Variants in RAPH1 observed in about 807,000 individuals in gnomAD.
RAPH1 encodes the protein Ras association (RalGDS/AF-6) and pleckstrin homology domains 1, also known as ras-associated and pleckstrin homology domains-containing protein 1.
RAPH1 carries 18 observed loss-of-function variants against 88.1 expected under a neutral mutation model. The ratio of observed to expected loss-of-function variants is 0.20; its 90% confidence interval spans 0.14 to 0.30. The LOEUF is 0.30. Among genes scored for constraint, RAPH1 ranks in the 10% least tolerant of loss-of-function variants. The probability of loss-of-function intolerance (pLI) is 1.00; values close to 1 mark genes in which losing one functional copy is unlikely to be tolerated. For missense variants in RAPH1, 1,448 were observed against 1,543.2 expected (o/e 0.94, Z 1.03); for synonymous variants, 587 against 559.0 (o/e 1.05, Z -0.71).
intron 1 of RAPH1, among the ~76,000 whole-genome samples, chr2:203,506,277 A>G (rs1201319889): frequency 2.0e-5 from 3 of 152,216 alleles, no homozygotes; most frequent in African/African-American, 4.8e-5. Context: ...TGTGTGTATT[A>G]TGTGTTTGTA....
intron 4 of RAPH1, among the ~76,000 whole-genome samples, chr2:203,478,167 G>A (rs898016311): frequency 1.3e-5 from 2 of 151,726 alleles, no homozygotes; most frequent in Non-Finnish European, 2.9e-5. Context: ...CCGAGTAGCT[G>A]GGACTACAGG....
intron 4 of RAPH1, among the ~76,000 whole-genome samples, chr2:203,462,999 A>C (rs2098525375): frequency 6.6e-6 from 1 of 151,986 alleles, no homozygotes; most frequent in South Asian, 2.1e-4. Flanking sequence ...CAGGAGTTGG[A>C]GACCAGCCTG....
At position 203,522,794 on chromosome 2, in the gene RAPH1, C is replaced by T. The variant is rs186527089; in HGVS notation, c.-1+12317G>A. ...GCGGGCACCTGTAATCCCAGCTACTCGGGAGGCTGAGGTGGGAGAATCGCT... is the reference window on the plus strand; with the variant it reads ...GCGGGCACCTGTAATCCCAGCTACTTGGGAGGCTGAGGTGGGAGAATCGCT... On this transcript the variant is annotated intron_variant, in intron 1 of 13. Coordinates refer to ENST00000319170, the MANE Select transcript of RAPH1 (RefSeq NM_213589.3). Among the ~76,000 whole-genome samples the T allele has an allele frequency of 2.0e-4, 29 of 148,400 alleles. 1 individual carries two copies. The East Asian group carries it at 5.1e-3, about 26-fold the overall frequency.
At chr2:203,517,664 G>A (rs1023893824) in intron 1 of RAPH1, among the ~76,000 whole-genome samples, 9 of 152,034 alleles carry the variant, frequency 5.9e-5, no homozygotes, top group African/African-American at 1.9e-4. Flanking sequence ...CATATATAAT[G>A]TCTGCTCTCA....
In RAPH1 at chr2:203,439,453, A is replaced by G; in HGVS notation, c.3737T>C (p.Leu1246Pro). The change falls in exon 14 of 14, where the codon CTC becomes CCC. Residue 1246 changes from leucine to proline, a missense_variant. By Grantham distance (98) the Leu-to-Pro change is moderately conservative (BLOSUM62 -3). This residue lies in a region of RAPH1 where 935 missense variants were observed against 890.1 expected (regional missense o/e 1.05). Coordinates refer to ENST00000319170, the MANE Select transcript of RAPH1 (RefSeq NM_213589.3). ...APPKRDQNTKLSRDW is the reference protein window; with the variant it reads ...APPKRDQNTKPSRDW ...CTATGGTGGCTACCAGTCTCTGGAGAGCTTGGTGTTCTGGTCTCTTTTGGG... is the reference window on the plus strand; with the variant it reads ...CTATGGTGGCTACCAGTCTCTGGAGGGCTTGGTGTTCTGGTCTCTTTTGGG... 1 of 1,613,538 alleles carries G rather than the reference A, an allele frequency of 6.2e-7. No homozygotes were observed. The highest frequency in any genetic ancestry group is 8.5e-7 in the Non-Finnish European group (1 of 1,179,776).
chr2:203,501,327 G>T (rs898123417), intron 1 of RAPH1, among the ~76,000 whole-genome samples: 2 of 152,134 alleles, frequency 1.3e-5, no homozygotes, highest in Non-Finnish European at 2.9e-5. Flanking sequence ...GGCAGTGCCT[G>T]GTATGCTTGG....
intron 1 of RAPH1, among the ~76,000 whole-genome samples, chr2:203,511,340 A>G (rs1689333942): frequency 6.6e-6 from 1 of 152,174 alleles, no homozygotes; most frequent in South Asian, 2.1e-4. Flanking sequence ...AAACCAACAC[A>G]TTCCAAAATT....
intron 2 of RAPH1, among the ~76,000 whole-genome samples, chr2:203,494,681 C>A (rs946279883): frequency 1.3e-5 from 2 of 151,644 alleles, no homozygotes; most frequent in African/African-American, 2.4e-5. Flanking sequence ...TGGTGGCGGG[C>A]GCCTGTAGTC....
At chr2:203,534,508 A>C (rs946263460) in intron 1 of RAPH1, among the ~76,000 whole-genome samples, 1,936 of 19,118 alleles carry the variant, frequency 0.1, 37 homozygotes, top group Non-Finnish European at 0.18. Flanking sequence ...CCCTCCGTCC[A>C]CCCCCCCCCC....
chr2:203,463,164 T>G (rs2098525506), intron 4 of RAPH1, among the ~76,000 whole-genome samples: 1 of 149,374 alleles, frequency 6.7e-6, no homozygotes, highest in Non-Finnish European at 1.5e-5. Context: ...ATTGTGCCAC[T>G]GCACTCCAGC....
chr2:203,459,741 T>TCAGCAG (rs974035155), intron 7 of RAPH1, among the ~76,000 whole-genome samples, 166 bp downstream of exon 7: 6 of 151,936 alleles, frequency 3.9e-5, no homozygotes, highest in African/African-American at 1.5e-4. Flanking sequence ...ACTTTCCACC[T>TCAGCAG]CAGCAGCAGC....
At chr2:203,527,295 C>A (rs1251098420) in intron 1 of RAPH1, among the ~76,000 whole-genome samples, 2 of 151,990 alleles carry the variant, frequency 1.3e-5, no homozygotes, top group Non-Finnish European at 2.9e-5. Flanking sequence ...ACCGTGGCCA[C>A]CTGTCAGAGA....
intron 4 of RAPH1, among the ~76,000 whole-genome samples, chr2:203,472,991 C>G (rs2098534440): frequency 6.6e-6 from 1 of 152,022 alleles, no homozygotes; most frequent in Admixed American, 6.6e-5. Flanking sequence ...GGTTGGTGGT[C>G]CCAAAATATG....
intron 7 of RAPH1, among the ~76,000 whole-genome samples, chr2:203,459,419 G>T (rs955631525): frequency 2.6e-5 from 4 of 152,162 alleles, no homozygotes; most frequent in African/African-American, 9.7e-5. Context: ...TTTGGAATAA[G>T]GAAAGATGTC....
intron 1 of RAPH1, among the ~76,000 whole-genome samples, chr2:203,531,863 T>C (rs1183114031): frequency 6.6e-6 from 1 of 152,152 alleles, no homozygotes; most frequent in Non-Finnish European, 1.5e-5. Context: ...AGAATTAGCA[T>C]ACAATCTAGC....
At chr2:203,492,034 G>A (rs914895566) in intron 2 of RAPH1, among the ~76,000 whole-genome samples, 5 of 152,056 alleles carry the variant, frequency 3.3e-5, no homozygotes, top group African/African-American at 1.2e-4. Context: ...AGAAGTTCGA[G>A]ACCAACTTGG....
chr2:203,453,910 AG>A (rs1171891498), intron 10 of RAPH1, among the ~76,000 whole-genome samples: 1 of 152,154 alleles, frequency 6.6e-6, no homozygotes, highest in Non-Finnish European at 1.5e-5. Context: ...GCTTGAATAA[AG>A]AAGAAAAAAA....
chr2:203,469,430 C>T (rs933643690), intron 4 of RAPH1, among the ~76,000 whole-genome samples: 14 of 152,212 alleles, frequency 9.2e-5, no homozygotes, highest in African/African-American at 2.4e-4. Flanking sequence ...TTTGGTCTAC[C>T]ATCTTCTTTC....
intron 7 of RAPH1, 53 bp downstream of exon 7, chr2:203,459,854 A>G: frequency 6.4e-7 from 1 of 1,573,054 alleles, no homozygotes; most frequent in Non-Finnish European, 8.6e-7. Context: ...GTAATCGAAT[A>G]AAATAGGAGA....
Sources: allele counts gnomAD v4.1 joint callset (sites outside exome capture counted in the v4.1 genomes callset), GRCh38; gene constraint gnomAD v4.1.1; regional missense constraint gnomAD v4.1.1; transcripts MANE v1.5; gene names NCBI Gene and HGNC (gene_info 2026-07-23, HGNC 2026-07-21).